PTPRN2: variants seen among roughly 807,000 people sequenced by gnomAD.
PTPRN2 encodes receptor-type tyrosine-protein phosphatase N2.
Under a neutral mutation model 118.8 loss-of-function variants are expected in PTPRN2, and 74 were observed. That is an observed-to-expected ratio of 0.62 (90% CI 0.52 to 0.76). The LOEUF (loss-of-function observed/expected upper bound fraction) is 0.76. PTPRN2 is among the 30% of genes least tolerant of loss of function. The pLI, the probability that PTPRN2 is intolerant of heterozygous loss-of-function variation, is 0.00. For missense variants in PTPRN2, 1,481 were observed against 1,394.4 expected (o/e 1.06, Z -0.99); for synonymous variants, 641 against 608.0 (o/e 1.05, Z -0.80).
chr7:158,127,877 G>A (rs935869384), intron 9 of PTPRN2, among the ~76,000 whole-genome samples: 7 of 152,176 alleles, frequency 4.6e-5, no homozygotes, highest in African/African-American at 1.2e-4. Context: ...GGACTGGGGC[G>A]GCTGTCCTGC....
chr7:157,639,753 G>GC (rs879830175), intron 14 of PTPRN2, among the ~76,000 whole-genome samples: 1 of 152,202 alleles, frequency 6.6e-6, no homozygotes, highest in Non-Finnish European at 1.5e-5. Flanking sequence ...CTGGACCCGA[G>GC]CCCCCCACAT....
intron 2 of PTPRN2, among the ~76,000 whole-genome samples, chr7:158,388,994 T>C (rs1811717132): frequency 6.6e-6 from 1 of 152,392 alleles, no homozygotes; most frequent in Admixed American, 6.5e-5. Flanking sequence ...AAGCTCGGAC[T>C]GGCGATTAGA....
intron 2 of PTPRN2, among the ~76,000 whole-genome samples, chr7:158,363,367 C>A (rs1351383380): frequency 1.3e-5 from 2 of 152,146 alleles, no homozygotes; most frequent in Non-Finnish European, 2.9e-5. Flanking sequence ...CCTCCAGAGC[C>A]TCTGGAACTA....
chr7:158,291,784 C>T (rs1800135353), intron 3 of PTPRN2, among the ~76,000 whole-genome samples: 1 of 152,198 alleles, frequency 6.6e-6, no homozygotes, highest in South Asian at 2.1e-4. Context: ...ATAGCTTTGC[C>T]ATTTACTCTT....
intron 2 of PTPRN2, among the ~76,000 whole-genome samples, chr7:158,366,445 A>C (rs1273391454): frequency 2.6e-5 from 4 of 151,754 alleles, no homozygotes; most frequent in African/African-American, 9.7e-5. Flanking sequence ...GTGCACACGC[A>C]CACACACCCA....
At chr7:158,157,215 G>A (rs191377437) in intron 6 of PTPRN2, among the ~76,000 whole-genome samples, 365 of 152,388 alleles carry the variant, frequency 2.4e-3, no homozygotes, top group African/African-American at 8.0e-3. Context: ...CCCCCTTGGA[G>A]CCATGGCAGA....
At chr7:157,693,848 G>T (rs1249803267) in intron 12 of PTPRN2, among the ~76,000 whole-genome samples, 1 of 152,154 alleles carries the variant, frequency 6.6e-6, no homozygotes, top group Non-Finnish European at 1.5e-5. Context: ...AGCTCTCCGA[G>T]GTGGCCAGGA....
chr7:157,934,793 G>A (rs1333472272), intron 11 of PTPRN2, among the ~76,000 whole-genome samples: 2 of 152,204 alleles, frequency 1.3e-5, no homozygotes, highest in Non-Finnish European at 2.9e-5. Flanking sequence ...CAACTGCTGT[G>A]ATTTCCCATC....
intron 2 of PTPRN2, among the ~76,000 whole-genome samples, chr7:158,369,807 G>A (rs1563209650): frequency 6.6e-6 from 1 of 152,214 alleles, no homozygotes; most frequent in Non-Finnish European, 1.5e-5. Flanking sequence ...GGAAACCCAT[G>A]TAAATTCTAA....
At chr7:157,791,049 T>A (rs1009974470) in intron 12 of PTPRN2, among the ~76,000 whole-genome samples, 6 of 152,190 alleles carry the variant, frequency 3.9e-5, no homozygotes, top group Non-Finnish European at 8.8e-5. Flanking sequence ...ACATACTTTA[T>A]GAGCAAAAAA....
rs1161634494 is a variant in PTPRN2, at chr7:157,550,392, C to T, written c.2903-1373G>A. ...GGGTGGCGGGGAGGCCTGGGGAGGA[C>T]ACACGTTGGAACCAAATGTCATGTT... On this transcript the variant is annotated intron_variant, in intron 21 of 22. Coordinates refer to ENST00000389418, the MANE Select transcript of PTPRN2 (RefSeq NM_002847.5). This position sits in a 1 kb window ranked among gnomAD's most constrained non-coding sequence, Gnocchi z 5.2. Among the ~76,000 whole-genome samples the T allele has an allele frequency of 6.6e-6, 1 of 152,172 alleles. No homozygotes were observed. Among genetic ancestry groups the T allele is most frequent in the Non-Finnish European group, 1.5e-5 (1 of 68,034 alleles).
chr7:157,658,308 A>C (rs1795699123), intron 13 of PTPRN2, among the ~76,000 whole-genome samples: 1 of 152,222 alleles, frequency 6.6e-6, no homozygotes, highest in Non-Finnish European at 1.5e-5. Flanking sequence ...AATGTCCAAG[A>C]GCCCATGCAA....
intron 5 of PTPRN2, among the ~76,000 whole-genome samples, chr7:158,182,006 T>G (rs538778958): frequency 6.6e-6 from 1 of 152,320 alleles, no homozygotes; most frequent in East Asian, 1.9e-4. Context: ...GACATTAGGT[T>G]GTCACTTTGG....
Position 158,285,951 on chromosome 7 carries a change from GCA to G in PTPRN2, c.277+30866_277+30867del, listed in dbSNP as rs199755791. Among the ~76,000 whole-genome samples, 1,301 of 147,388 alleles carry G rather than the reference GCA, an allele frequency of 8.8e-3. 22 individuals carry two copies. The highest frequency in any genetic ancestry group is 0.03 in the African/African-American group (1,253 of 41,206). ...GCCACACAGAGGTGTCTGCTATGCA[GCA>G]AGCTAAACACAACCAATTCCTGGTG... is the stretch of plus-strand genomic sequence containing the variant. On this transcript the variant is annotated intron_variant, in intron 3 of 22. Transcript: ENST00000389418.
chr7:158,041,589 G>C (rs959624920), intron 11 of PTPRN2, among the ~76,000 whole-genome samples: 17 of 152,174 alleles, frequency 1.1e-4, no homozygotes, highest in Non-Finnish European at 1.5e-5. Flanking sequence ...AGTGAGCCAA[G>C]ATCTTGCCAC....
At chr7:158,165,269 G>A (rs989340900) in intron 6 of PTPRN2, among the ~76,000 whole-genome samples, 4 of 152,128 alleles carry the variant, frequency 2.6e-5, no homozygotes, top group Non-Finnish European at 4.4e-5. Flanking sequence ...GGGGTTTCTC[G>A]GAGTAGAGCA....
At chr7:157,703,583 G>GA (rs1339448935) in intron 12 of PTPRN2, among the ~76,000 whole-genome samples, 1 of 152,074 alleles carries the variant, frequency 6.6e-6, no homozygotes, top group Non-Finnish European at 1.5e-5. Flanking sequence ...AGCCGTCCAG[G>GA]AGAGAACCAG....
intron 1 of PTPRN2, among the ~76,000 whole-genome samples, chr7:158,567,021 T>A (rs760653763): frequency 1.3e-5 from 2 of 152,170 alleles, no homozygotes; most frequent in Non-Finnish European, 2.9e-5. Context: ...ACCAAAAGAT[T>A]GTTAAAGTTT....
intron 3 of PTPRN2, among the ~76,000 whole-genome samples, chr7:158,289,624 T>G (rs1196547765): frequency 6.6e-6 from 1 of 152,244 alleles, no homozygotes; most frequent in African/African-American, 2.4e-5. Flanking sequence ...TTCAAACACT[T>G]ACTTTGAATT....
Sources: allele counts gnomAD v4.1 joint callset (sites outside exome capture counted in the v4.1 genomes callset), GRCh38; gene constraint gnomAD v4.1.1; non-coding constraint Gnocchi (gnomAD v3.1); transcripts MANE v1.5; gene names NCBI Gene and HGNC (gene_info 2026-07-23, HGNC 2026-07-21).